The following CHODL variants were observed in gnomAD, a reference collection of about 807,000 sequenced individuals.
CHODL encodes chondrolectin.
A neutral mutation model predicts 34.5 loss-of-function variants in CHODL; 29 were observed. The observed-to-expected ratio is 0.84, with a 90% CI of 0.63 to 1.15. The LOEUF (loss-of-function observed/expected upper bound fraction) is 1.15. CHODL is among the 50% of genes most tolerant of loss of function. The pLI is 0.00. For missense variants in CHODL, 332 were observed against 332.5 expected, an observed-to-expected ratio of 1.00 and a Z score of 0.01; for synonymous variants, 125 against 116.1, an observed-to-expected ratio of 1.08 and a Z score of -0.49.
intron 1 of CHODL, among the ~76,000 whole-genome samples, chr21:18,011,888 A>T (rs1464660885): frequency 6.6e-6 from 1 of 152,220 alleles, no homozygotes; most frequent in Non-Finnish European, 1.5e-5. Context: ...AAATCATTCT[A>T]CAGGGCTTCT....
At chr21:17,984,517 TA>T (rs1227852995) in intron 1 of CHODL, among the ~76,000 whole-genome samples, 1 of 152,158 alleles carries the variant, frequency 6.6e-6, no homozygotes, top group Non-Finnish European at 1.5e-5. Flanking sequence ...AAAATATAAT[TA>T]AAATACTTTC....
chr21:17,927,012 A>G (rs1314461773), intron 1 of CHODL, among the ~76,000 whole-genome samples: 1 of 151,618 alleles, frequency 6.6e-6, no homozygotes, highest in Non-Finnish European at 1.5e-5. Context: ...ACACAGACAT[A>G]CACACATATG....
chr21:18,135,408 G>C (rs866382521), intron 2 of CHODL, among the ~76,000 whole-genome samples: 5 of 151,776 alleles, frequency 3.3e-5, no homozygotes, highest in Middle Eastern at 3.4e-3. Flanking sequence ...CAAAAATACA[G>C]AATACATAAG....
In CHODL at chr21:18,256,566, A is replaced by G; in HGVS notation, c.137A>G (p.His46Arg). 1 of 1,613,436 alleles carries G rather than the reference A, an allele frequency of 6.2e-7. No homozygotes were observed. Among genetic ancestry groups the G allele is most frequent in the Non-Finnish European group, 8.5e-7 (1 of 1,179,936 alleles). Residue 46 changes from histidine (H) to arginine (R), a missense_variant, in exon 2 of 6, where the codon CAT becomes CGT. Transcript: ENST00000299295. Reference sequence around the variant, plus strand: ...CCCTGCTACAAAATGGCCTACTTCCATGAACTGTCCAGCCGAGTGAGCTTT... The same window carrying G: ...CCCTGCTACAAAATGGCCTACTTCCGTGAACTGTCCAGCCGAGTGAGCTTT... ...KHPCYKMAYFHELSSRVSFQE... is the reference protein window; with the variant it reads ...KHPCYKMAYFRELSSRVSFQE...
At chr21:18,197,373 G>A (rs947281405) in intron 2 of CHODL, among the ~76,000 whole-genome samples, 8 of 152,146 alleles carry the variant, frequency 5.3e-5, no homozygotes, top group South Asian at 4.1e-4. Context: ...CTCTTTGGGA[G>A]GCCAAGGTGG....
chr21:18,005,495 A>G (rs1164196160), intron 1 of CHODL, among the ~76,000 whole-genome samples: 1 of 152,194 alleles, frequency 6.6e-6, no homozygotes, highest in Non-Finnish European at 1.5e-5. Context: ...AAGCACTTGG[A>G]AGGAATTTCT....
At chr21:18,041,955 C>G (rs975982152) in intron 2 of CHODL, among the ~76,000 whole-genome samples, 2 of 151,702 alleles carry the variant, frequency 1.3e-5, no homozygotes, top group African/African-American at 4.8e-5. Context: ...ATATGGGAAG[C>G]TGAATATATT....
intron 2 of CHODL, among the ~76,000 whole-genome samples, chr21:18,184,643 A>T: frequency 6.6e-6 from 1 of 152,202 alleles, no homozygotes; most frequent in East Asian, 1.9e-4. Context: ...AATGCCCAGT[A>T]TTGAACACCA....
intron 2 of CHODL, among the ~76,000 whole-genome samples, chr21:18,068,862 G>A (rs960383118): frequency 4.6e-5 from 7 of 151,046 alleles, no homozygotes; most frequent in South Asian, 2.1e-4. Flanking sequence ...TACTTTATTC[G>A]CAAGTTAATC....
At chr21:18,250,676 T>C (rs1263800086) in intron 1 of CHODL, among the ~76,000 whole-genome samples, 1 of 151,972 alleles carries the variant, frequency 6.6e-6, no homozygotes, top group African/African-American at 2.4e-5. Flanking sequence ...GTGTTGGCAC[T>C]GGTATCACAG....
chr21:18,072,138 A>G (rs1314105489), intron 2 of CHODL, among the ~76,000 whole-genome samples: 1 of 152,114 alleles, frequency 6.6e-6, no homozygotes, highest in Non-Finnish European at 1.5e-5. Flanking sequence ...TTCTAAAACT[A>G]TTAATAGTAA....
intron 1 of CHODL, among the ~76,000 whole-genome samples, chr21:18,006,206 C>T (rs2063959620): frequency 6.6e-6 from 1 of 152,118 alleles, no homozygotes; most frequent in South Asian, 2.1e-4. Context: ...TTGTAAATTG[C>T]CCAGCCTAGT....
chr21:18,252,542 T>C (rs889005850), intron 1 of CHODL, among the ~76,000 whole-genome samples: 5 of 152,108 alleles, frequency 3.3e-5, no homozygotes, highest in Non-Finnish European at 5.9e-5. Context: ...AGACGTTCAA[T>C]AGCTGCTGCT....
chr21:18,033,600 G>A (rs2064273443), intron 2 of CHODL, among the ~76,000 whole-genome samples: 1 of 151,988 alleles, frequency 6.6e-6, no homozygotes, highest in African/African-American at 2.4e-5. Flanking sequence ...GAGAATGAGT[G>A]GAACTTAATA....
At chr21:18,184,841 T>C (rs1271079431) in intron 2 of CHODL, among the ~76,000 whole-genome samples, 1 of 152,160 alleles carries the variant, frequency 6.6e-6, no homozygotes, top group African/African-American at 2.4e-5. Context: ...AAACCATTCC[T>C]ATCTGGAGAG....
At chr21:18,245,450 G>A in intron 1 of CHODL, 148 bp downstream of exon 1, 1 of 637,144 alleles carries the variant, frequency 1.6e-6, no homozygotes, top group South Asian at 2.0e-5. Flanking sequence ...GAAATTGATT[G>A]TGCTGTTCTC....
intron 2 of CHODL, among the ~76,000 whole-genome samples, chr21:18,192,187 C>T (rs2073518926): frequency 6.6e-6 from 1 of 152,130 alleles, no homozygotes; most frequent in African/African-American, 2.4e-5. Flanking sequence ...TGGAACTTGA[C>T]TTTAAGAGAA....
chr21:18,174,308 A>C (rs1330571655), intron 2 of CHODL, among the ~76,000 whole-genome samples: 7 of 151,436 alleles, frequency 4.6e-5, no homozygotes, highest in Admixed American at 4.6e-4. Context: ...AGCACACAAA[A>C]TAATTTTTTC....
At chr21:18,095,483 A>G (rs1448666251) in intron 2 of CHODL, among the ~76,000 whole-genome samples, 2 of 152,150 alleles carry the variant, frequency 1.3e-5, no homozygotes, top group Non-Finnish European at 2.9e-5. Flanking sequence ...TGAACATACC[A>G]ATAACAAGTA....
Sources: gnomAD v4.1 joint callset for allele counts (sites outside exome capture counted in the v4.1 genomes callset) on GRCh38, gnomAD v4.1.1 for gene constraint, MANE v1.5 for transcripts, NCBI Gene and HGNC (gene_info 2026-07-23, HGNC 2026-07-21) for gene names.